Variants in RMND5A observed in about 807,000 individuals in gnomAD.
The protein encoded by RMND5A is E3 ubiquitin-protein transferase RMND5A.
RMND5A carries 17 observed loss-of-function variants against 49.7 expected under a neutral mutation model. The observed-to-expected ratio is 0.34, with a 90% CI of 0.23 to 0.51. The LOEUF is 0.51. Among genes scored for constraint, RMND5A ranks in the 20% least tolerant of loss-of-function variants. The pLI, the probability that RMND5A is intolerant of heterozygous loss-of-function variation, is 0.96. For synonymous variants in RMND5A, 156 were observed against 167.7 expected (o/e 0.93, Z 0.54); for missense variants, 255 against 471.3 (o/e 0.54, Z 4.25).
chr2:86,744,121 C>T (rs1558720686), intron 2 of RMND5A, among the ~76,000 whole-genome samples: 1 of 152,116 alleles, frequency 6.6e-6, no homozygotes, highest in Non-Finnish European at 1.5e-5. Flanking sequence ...CACACTCTCC[C>T]CGTATTTTTG....
intron 5 of RMND5A, chr2:86,765,620 A>G: frequency 2.1e-6 from 1 of 474,916 alleles, no homozygotes; most frequent in East Asian, 3.8e-5. Flanking sequence ...TAATTATACT[A>G]TGCTGTAGAG....
Position 86,720,817 on chromosome 2 carries a change from G to T in RMND5A, c.142+8G>T, listed in dbSNP as rs781294318. ...AGATCCTGCAGAGCCACGGTAGGGCGGCCCGCGTGGGCGCGCGGGGCATGG... is the reference window on the plus strand; with the variant it reads ...AGATCCTGCAGAGCCACGGTAGGGCTGCCCGCGTGGGCGCGCGGGGCATGG... On this transcript the variant is annotated splice_region_variant and intron_variant, in intron 1 of 8. Coordinates refer to ENST00000283632, the MANE Select transcript of RMND5A (RefSeq NM_022780.4). 2.5e-5 allele frequency: 40 copies of T among 1,576,344 alleles called. No individual in the cohort carries two copies. Among genetic ancestry groups the T allele is most frequent in the Non-Finnish European group, 3.0e-5 (35 of 1,162,736 alleles).
chr2:86,754,840 C>T (rs912455885), intron 4 of RMND5A, among the ~76,000 whole-genome samples: 15 of 152,114 alleles, frequency 9.9e-5, no homozygotes, highest in African/African-American at 3.4e-4. Flanking sequence ...GAATTACAGA[C>T]TTGAGCCTCT....
rs1672755115 is a variant in RMND5A at position 86,775,620 on chromosome 2, A to G, written c.*2209A>G. On this transcript the variant is annotated 3_prime_UTR_variant, in exon 9 of 9. Transcript: ENST00000283632. ...AGCTCAAGAAAACTTTGAAAAGAAC[A>G]TGCTTTAACTGAAGCATTGGACTCT... 6.6e-6 allele frequency: 1 copy of G among 152,134 alleles called. No individual in the cohort carries two copies. The highest frequency in any genetic ancestry group is 2.4e-5 in the African/African-American group (1 of 41,426). The allele number at this position is 152,134 out of a possible 1,614,324, so 9.4% of individuals were successfully genotyped here.
At chr2:86,742,928 T>G (rs559096060) in intron 2 of RMND5A, among the ~76,000 whole-genome samples, 16 of 152,168 alleles carry the variant, frequency 1.1e-4, no homozygotes, top group Admixed American at 2.6e-4. Context: ...TTCTAGTGTG[T>G]GGGCTACTGA....
At chr2:86,764,864 G>A (rs542342745) in intron 4 of RMND5A, among the ~76,000 whole-genome samples, 163 bp from the exon 5 acceptor site, 1 of 152,286 alleles carries the variant, frequency 6.6e-6, no homozygotes, top group South Asian at 2.1e-4. Context: ...GTTATTGGTG[G>A]TTACTTTCCT....
At chr2:86,770,806 A>G (rs1030114587) in intron 7 of RMND5A, among the ~76,000 whole-genome samples, 9 of 152,202 alleles carry the variant, frequency 5.9e-5, no homozygotes, top group South Asian at 2.1e-4. Context: ...TGTGGCTGCC[A>G]TGGTGCAGTT....
chr2:86,743,645 C>G (rs893153687), intron 2 of RMND5A, among the ~76,000 whole-genome samples: 2 of 151,942 alleles, frequency 1.3e-5, no homozygotes, highest in Admixed American at 1.3e-4. Flanking sequence ...AGTTTTGGTT[C>G]TAGGTGACCT....
chr2:86,752,470 C>G (rs554507313), intron 3 of RMND5A, among the ~76,000 whole-genome samples: 3 of 152,202 alleles, frequency 2.0e-5, no homozygotes, highest in Non-Finnish European at 2.9e-5. Context: ...CAGCATTTGT[C>G]TTTTATTTCT....
At chr2:86,767,924 A>G (rs529225658) in intron 6 of RMND5A, among the ~76,000 whole-genome samples, 16 of 152,344 alleles carry the variant, frequency 1.1e-4, no homozygotes, top group African/African-American at 3.8e-4. Flanking sequence ...ACGTATCACA[A>G]TAGATTTAAT....
chr2:86,734,770 G>A (rs1203661673), intron 1 of RMND5A, among the ~76,000 whole-genome samples: 64 of 149,512 alleles, frequency 4.3e-4, no homozygotes, highest in Non-Finnish European at 7.2e-4. Context: ...TTTATTTTTT[G>A]TATTTTTCCT....
chr2:86,734,179 AG>A (rs1242973673), intron 1 of RMND5A, among the ~76,000 whole-genome samples: 2 of 141,592 alleles, frequency 1.4e-5, no homozygotes, highest in African/African-American at 5.8e-5. Context: ...AATACCTTAC[AG>A]AAATTATTTT....
At chr2:86,746,538 GATTT>G (rs1681541100) in intron 2 of RMND5A, among the ~76,000 whole-genome samples, 1 of 152,204 alleles carries the variant, frequency 6.6e-6, no homozygotes, top group African/African-American at 2.4e-5. Context: ...TGAAAACTTA[GATTT>G]GTAAGTAACC....
intron 2 of RMND5A, among the ~76,000 whole-genome samples, chr2:86,744,713 G>C (rs1235430061): frequency 2.8e-5 from 3 of 107,654 alleles, no homozygotes; most frequent in Non-Finnish European, 5.9e-5. Context: ...ACAGAGTCTC[G>C]CTCTGTTGCC....
chr2:86,732,689 T>A (rs1294349337), intron 1 of RMND5A, among the ~76,000 whole-genome samples: 3 of 149,038 alleles, frequency 2.0e-5, no homozygotes, highest in Non-Finnish European at 4.4e-5. Context: ...TCACATTATA[T>A]ATTAGAGATG....
At chr2:86,756,945 G>A (rs1194294206) in intron 4 of RMND5A, among the ~76,000 whole-genome samples, 3 of 152,042 alleles carry the variant, frequency 2.0e-5, no homozygotes, top group African/African-American at 2.4e-5. Flanking sequence ...AGGCCAAGGC[G>A]GGCGAATCAT....
Position 86,773,664 on chromosome 2 carries a change from G to C in RMND5A, c.*253G>C, listed in dbSNP as rs1672718284. 3.2e-6 allele frequency: 1 copy of C among 310,448 alleles called. No individual in the cohort carries two copies. Among genetic ancestry groups the C allele is most frequent in the Non-Finnish European group, 5.9e-6 (1 of 170,528 alleles). 19.2% of individuals were successfully genotyped at this position (310,448 alleles called of 1,614,324 possible). A position where few individuals can be genotyped will look rare whatever the true frequency, so the allele number is the denominator to read the frequency against. ...ACACCAGCAGTTGTCATTCAATGCAGGTTTTTGTACTTAATTATATGGTGA... is the reference window on the plus strand; with the variant it reads ...ACACCAGCAGTTGTCATTCAATGCACGTTTTTGTACTTAATTATATGGTGA... On this transcript the variant is annotated 3_prime_UTR_variant, in exon 9 of 9. Coordinates refer to ENST00000283632, the MANE Select transcript of RMND5A (RefSeq NM_022780.4).
chr2:86,748,692 T>A (rs1681580931), intron 2 of RMND5A, among the ~76,000 whole-genome samples: 1 of 152,244 alleles, frequency 6.6e-6, no homozygotes, highest in African/African-American at 2.4e-5. Flanking sequence ...TTGAAGGGAT[T>A]ATTTTGTTTG....
chr2:86,748,964 C>T (rs1681586887), intron 2 of RMND5A, among the ~76,000 whole-genome samples: 1 of 152,174 alleles, frequency 6.6e-6, no homozygotes, highest in Non-Finnish European at 1.5e-5. Flanking sequence ...TAATTCATCT[C>T]TCTATTCTTT....
Sources: allele counts gnomAD v4.1 joint callset (sites outside exome capture counted in the v4.1 genomes callset), GRCh38; gene constraint gnomAD v4.1.1; transcripts MANE v1.5; gene names NCBI Gene and HGNC (gene_info 2026-07-23, HGNC 2026-07-21).